CFAP74: variants seen among roughly 807,000 people sequenced by gnomAD.
CFAP74 encodes the protein cilia and flagella associated protein 74.
CFAP74 carries 124 observed loss-of-function variants against 188.9 expected under a neutral mutation model. The ratio of observed to expected loss-of-function variants is 0.66; its 90% CI spans 0.57 to 0.76. The LOEUF (loss-of-function observed/expected upper bound fraction) is 0.76, where lower values mean the gene tolerates loss of function less well. Among genes scored for constraint, CFAP74 ranks in the 30% least tolerant of loss-of-function variants. The pLI is 0.00. For synonymous variants in CFAP74, 956 were observed against 916.7 expected, an observed-to-expected ratio of 1.04 and a Z score of -0.77; for missense variants, 2,198 against 2,165.2, an observed-to-expected ratio of 1.02 and a Z score of -0.30.
At position 1,924,650 on chromosome 1, in the gene CFAP74, G is replaced by A. The variant is rs76305980; in HGVS notation, c.4105-130C>T. The A allele has an allele frequency of 1.7e-3, 1,659 of 950,260 alleles. 16 individuals are homozygous for A. In the African/African-American group the frequency reaches 0.024, roughly 14 times the overall value. 58.9% of individuals were successfully genotyped at this position (950,260 alleles called of 1,614,324 possible). A position where few individuals can be genotyped will look rare whatever the true frequency, so the allele number is the denominator to read the frequency against. On this transcript the variant is annotated intron_variant, in intron 33 of 38. Coordinates refer to ENST00000682832, the MANE Select transcript of CFAP74 (RefSeq NM_001304360.2). ...GTGGGGACCCGGGTGGCCTGATGAC[G>A]CCAGCACACGTGGCGGTTTATTGAG... is the stretch of plus-strand genomic sequence containing the variant.
chr1:1,994,676 A>T (rs35927058), intron 1 of CFAP74, among the ~76,000 whole-genome samples: 111 of 152,322 alleles, frequency 7.3e-4, no homozygotes, highest in Middle Eastern at 3.4e-3. Context: ...ATTTTGCTGG[A>T]CACCCCGTGG....
At chr1:1,949,990 T>C (rs1336293048) in intron 18 of CFAP74, among the ~76,000 whole-genome samples, 1 of 152,034 alleles carries the variant, frequency 6.6e-6, no homozygotes, top group Non-Finnish European at 1.5e-5. Flanking sequence ...CACATACAGG[T>C]TTTTGCGGGA....
intron 1 of CFAP74, among the ~76,000 whole-genome samples, chr1:2,001,569 G>A (rs2376808): frequency 0.57 from 86,573 of 152,046 alleles, 27,343 homozygotes; most frequent in African/African-American, 0.86. Context: ...CTCGTGATCC[G>A]CCCTCCTCAG....
Position 1,925,855 on chromosome 1 carries a change from C to T in CFAP74, c.4032G>A (p.Thr1344=), listed in dbSNP as rs373750366. The change falls in exon 33 of 39, where the codon ACG becomes ACA. Residue 1344 remains threonine, a synonymous_variant. Coordinates refer to ENST00000682832, the MANE Select transcript of CFAP74 (RefSeq NM_001304360.2). ...LMGTGVASMI[T]CSIEGSVLNM... is the part of the protein sequence containing the mutation. ...TGAGGACGCTGCCTTCAATGGAGCA[C>T]GTGATCATGGACGCCACGCCAGTGC... The T allele has an allele frequency of 2.2e-5, 36 of 1,612,708 alleles. No homozygotes were observed. The East Asian group carries it at 4.7e-4, about 21-fold the overall frequency.
At chr1:1,958,014 TACTC>T (rs375986005) in intron 16 of CFAP74, among the ~76,000 whole-genome samples, 119 of 152,304 alleles carry the variant, frequency 7.8e-4, no homozygotes, top group South Asian at 4.4e-3. Context: ...ACACACCAAA[TACTC>T]AAACACTGGT....
intron 1 of CFAP74, 96 bp from the exon 2 acceptor site, chr1:1,991,071 A>G (rs1657538996): frequency 1.2e-5 from 9 of 762,424 alleles, no homozygotes; most frequent in African/African-American, 1.8e-5. Context: ...TAAGAAAACA[A>G]ACGACAGATT....
chr1:1,963,025 A>G (rs1272557766), intron 14 of CFAP74, among the ~76,000 whole-genome samples: 1 of 152,262 alleles, frequency 6.6e-6, no homozygotes, highest in Non-Finnish European at 1.5e-5. Context: ...ACATTGTTAC[A>G]GAGTGAAAGC....
At chr1:1,931,226 G>A (rs1056037459) in intron 25 of CFAP74, among the ~76,000 whole-genome samples, 5 of 151,676 alleles carry the variant, frequency 3.3e-5, no homozygotes, top group Admixed American at 6.6e-5. Flanking sequence ...TCAGGAGATC[G>A]AGACCATCCC....
intron 26 of CFAP74, among the ~76,000 whole-genome samples, chr1:1,929,544 C>T (rs1195947182): frequency 6.6e-6 from 1 of 151,180 alleles, no homozygotes; most frequent in African/African-American, 2.4e-5. Context: ...TCACTGCATT[C>T]ATTGAAATCC....
rs959618553 is a variant in CFAP74, at chr1:1,975,088, C to T, written c.501-890G>A. ...GCCGGCATCCTCACTGCATTGCTGACATTCCACGTGACGTGTGCCACAGCT... is the reference window on the plus strand; with the variant it reads ...GCCGGCATCCTCACTGCATTGCTGATATTCCACGTGACGTGTGCCACAGCT... On this transcript the variant is annotated intron_variant, in intron 6 of 38. Coordinates refer to ENST00000682832, the MANE Select transcript of CFAP74 (RefSeq NM_001304360.2). This position sits in a 1 kb window ranked among gnomAD's most constrained non-coding sequence, Gnocchi z 4.5. Among the ~76,000 whole-genome samples the T allele has an allele frequency of 2.0e-5, 3 of 152,242 alleles. No homozygotes were observed. Among genetic ancestry groups the T allele is most frequent in the Non-Finnish European group, 4.4e-5 (3 of 68,040 alleles).
rs1357162514 is a variant in CFAP74, at chr1:1,968,514, C to A, written c.1245+121G>T. ...GCGGCCACTCAGCGGGCTCAGCAACCCCCTGCAGGTGGCCATGGTGCTGAG... is the reference window on the plus strand; with the variant it reads ...GCGGCCACTCAGCGGGCTCAGCAACACCCTGCAGGTGGCCATGGTGCTGAG... On this transcript the variant is annotated intron_variant, in intron 11 of 38. Transcript: ENST00000682832. The surrounding 1 kb of genome is among the most constrained non-coding windows in gnomAD (Gnocchi z 4.3). 1 of 818,574 alleles carries A rather than the reference C, an allele frequency of 1.2e-6. No individual in the cohort carries two copies. Among genetic ancestry groups the A allele is most frequent in the Admixed American group, 2.2e-5 (1 of 45,810 alleles). 50.7% of individuals were successfully genotyped at this position (818,574 alleles called of 1,614,324 possible).
chr1:1,954,707 C>G, intron 18 of CFAP74: 1 of 694,242 alleles, frequency 1.4e-6, no homozygotes, highest in Non-Finnish European at 1.8e-6. Flanking sequence ...TGCTTGAGCC[C>G]GGGAGGTCGA....
chr1:1,971,359 C>G (rs573174496), intron 9 of CFAP74, among the ~76,000 whole-genome samples: 1 of 149,146 alleles, frequency 6.7e-6, no homozygotes, highest in Non-Finnish European at 1.5e-5. Flanking sequence ...ACATGCACAC[C>G]TGCACACACA....
rs376185684 is a variant in CFAP74 at position 1,968,787 on chromosome 1, G to A, written c.1093C>T (p.Arg365Trp). The A allele has an allele frequency of 1.2e-5, 19 of 1,613,934 alleles. No homozygotes were observed. Among genetic ancestry groups the A allele is most frequent in the African/African-American group, 1.3e-5 (1 of 74,904 alleles). Residue 365 changes from arginine (R) to tryptophan (W), a missense_variant, in exon 11 of 39, where the codon CGG (arginine) becomes TGG (tryptophan). Physicochemically the swap from Arg to Trp is moderately radical, Grantham distance 101. Transcript: ENST00000682832. The surrounding 1 kb of genome is among the most constrained non-coding windows in gnomAD (Gnocchi z 4.3). The stretch of plus-strand genomic sequence containing the variant: ...TCCTCAGCCTCCTCTTTCAGAATCC[G>A]ACTGATGATCTCCTGCTTTCTGAGC... ...QKLRKQEIISRILKEEAEEEK... is the reference protein window; with the variant it reads ...QKLRKQEIISWILKEEAEEEK...
At position 1,968,579 on chromosome 1, in the gene CFAP74, C is replaced by T. The variant is rs113873178; in HGVS notation, c.1245+56G>A. 4.7e-6 allele frequency: 7 copies of T among 1,479,514 alleles called. No homozygotes were observed. The highest frequency in any genetic ancestry group is 4.2e-5 in the African/African-American group (3 of 70,710). 91.6% of individuals were successfully genotyped at this position (1,479,514 alleles called of 1,614,324 possible). On this transcript the variant is annotated intron_variant, in intron 11 of 38. Coordinates refer to ENST00000682832, the MANE Select transcript of CFAP74 (RefSeq NM_001304360.2). This position sits in a 1 kb window ranked among gnomAD's most constrained non-coding sequence, Gnocchi z 4.3. ...TCTCACCACACCTGAGCCCTGAGGCCCCACCTGCCCTCCACAGGTGTGCGG... is the reference window on the plus strand; with the variant it reads ...TCTCACCACACCTGAGCCCTGAGGCTCCACCTGCCCTCCACAGGTGTGCGG...
intron 9 of CFAP74, 103 bp from the exon 10 acceptor site, chr1:1,970,919 G>C (rs1655925251): frequency 7.6e-7 from 1 of 1,313,810 alleles, no homozygotes; most frequent in Non-Finnish European, 1.1e-6. Context: ...ATGCACACGT[G>C]CACACACGTG....
intron 1 of CFAP74, 81 bp downstream of exon 1, chr1:2,003,620 G>A (rs985698957): frequency 1.3e-5 from 2 of 152,238 alleles, no homozygotes; most frequent in Non-Finnish European, 2.9e-5. Flanking sequence ...GTTTCATATG[G>A]GACGGAGTTC....
intron 2 of CFAP74, among the ~76,000 whole-genome samples, chr1:1,989,465 C>T (rs1372265666): frequency 2.6e-5 from 4 of 152,164 alleles, no homozygotes; most frequent in Non-Finnish European, 2.9e-5. Context: ...ACATGACGTT[C>T]GGCGTAGTCA....
Position 1,924,459 on chromosome 1 carries a change from G to A in CFAP74, c.4166C>T (p.Thr1389Ile). 2 of 1,593,830 alleles carry A rather than the reference G, an allele frequency of 1.3e-6. No homozygotes were observed. The highest frequency in any genetic ancestry group is 8.5e-7 in the Non-Finnish European group (1 of 1,173,298). ...CAGCTGCTGCTGGCCCCGGCCCCGG[G>A]TGCTGGAGAGGCTGTCCAGGTGCAT... ...FSMHLDSLSS[T>I]RGRGQQQLPQ... Residue 1389 changes from threonine (T) to isoleucine (I), a missense_variant, in exon 34 of 39, where the codon ACC (threonine) becomes ATC (isoleucine). Transcript: ENST00000682832.
Sources: gnomAD v4.1 joint callset for allele counts (sites outside exome capture counted in the v4.1 genomes callset) on GRCh38, gnomAD v4.1.1 for gene constraint, Gnocchi (gnomAD v3.1) non-coding constraint, MANE v1.5 for transcripts, NCBI Gene and HGNC (gene_info 2026-07-23, HGNC 2026-07-21) for gene names.